MEGF11: variants seen among roughly 807,000 people sequenced by gnomAD.
MEGF11 encodes multiple epidermal growth factor-like domains protein 11.
In MEGF11, 126 loss-of-function variants were observed where a neutral mutation model predicts 146.6. The observed-to-expected ratio is 0.86, with a 90% CI of 0.74 to 1.00. The LOEUF is 1.00. MEGF11 is among the 50% of genes least tolerant of loss of function. The probability of loss-of-function intolerance (pLI) is 0.00; values close to 1 mark genes in which losing one functional copy is unlikely to be tolerated. For synonymous variants in MEGF11, 532 were observed against 583.4 expected (o/e 0.91, Z 1.27); for missense variants, 1,509 against 1,521.2 (o/e 0.99, Z 0.13).
At chr15:66,091,696 T>C (rs1050833898) in intron 5 of MEGF11, among the ~76,000 whole-genome samples, 1 of 152,196 alleles carries the variant, frequency 6.6e-6, no homozygotes, top group Admixed American at 6.5e-5. Flanking sequence ...ACTCAGTGCA[T>C]AGTAAAATTC....
intron 1 of MEGF11, among the ~76,000 whole-genome samples, chr15:66,138,013 T>G (rs1421664980): frequency 2.0e-5 from 3 of 152,158 alleles, no homozygotes; most frequent in African/African-American, 7.2e-5. Flanking sequence ...GAGCTATGAT[T>G]GTGCCACTGG....
intron 15 of MEGF11, 190 bp downstream of exon 15, chr15:65,922,148 G>C (rs748078317): frequency 1.6e-6 from 1 of 629,970 alleles, no homozygotes; most frequent in Admixed American, 3.3e-5. Context: ...CTGTGAGGCT[G>C]TTAACTGTGT....
intron 4 of MEGF11, among the ~76,000 whole-genome samples, chr15:66,112,650 G>A (rs745324666): frequency 6.7e-6 from 1 of 148,912 alleles, no homozygotes; most frequent in African/African-American, 2.5e-5. Flanking sequence ...GAAGCAAAGA[G>A]TATAAAACAA....
intron 4 of MEGF11, among the ~76,000 whole-genome samples, chr15:66,113,812 C>T (rs1370678412): frequency 3.3e-5 from 5 of 151,712 alleles, no homozygotes; most frequent in Admixed American, 6.6e-5. Context: ...ACCCGGGAGG[C>T]GGAGCTTGCA....
intron 24 of MEGF11, among the ~76,000 whole-genome samples, chr15:65,903,172 A>G (rs1274503455): frequency 6.6e-6 from 1 of 152,160 alleles, no homozygotes; most frequent in Non-Finnish European, 1.5e-5. Context: ...CTAACTACCT[A>G]AGAGCCCAAG....
chr15:66,034,808 C>A (rs1211095324), intron 5 of MEGF11, among the ~76,000 whole-genome samples: 1 of 146,238 alleles, frequency 6.8e-6, no homozygotes, highest in Non-Finnish European at 1.5e-5. Context: ...AGTGTTCTGC[C>A]CTCATGATGA....
intron 5 of MEGF11, among the ~76,000 whole-genome samples, chr15:66,046,144 T>C (rs2084195039): frequency 6.6e-6 from 1 of 152,180 alleles, no homozygotes; most frequent in Non-Finnish European, 1.5e-5. Flanking sequence ...CTGTGGCAAC[T>C]GAGGCTCAGA....
chr15:66,226,837 A>ATCCTCTAGCG (rs1374383909), intron 1 of MEGF11, among the ~76,000 whole-genome samples: 1 of 152,036 alleles, frequency 6.6e-6, no homozygotes, highest in East Asian at 1.9e-4. Context: ...GTTCACACAC[A>ATCCTCTAGCG]TCCTCTAGCG....
At chr15:66,243,189 G>A (rs534594279) in intron 1 of MEGF11, among the ~76,000 whole-genome samples, 3 of 152,312 alleles carry the variant, frequency 2.0e-5, no homozygotes, top group South Asian at 4.1e-4. Context: ...CTGAGAGGCC[G>A]GAGAAGCTGA....
intron 23 of MEGF11, among the ~76,000 whole-genome samples, chr15:65,907,915 G>A (rs570007591): frequency 1.4e-4 from 22 of 152,378 alleles, no homozygotes; most frequent in African/African-American, 5.3e-4. Context: ...AGCGCATGGC[G>A]CTCTGGCTAC....
intron 10 of MEGF11, among the ~76,000 whole-genome samples, chr15:65,939,824 C>A (rs2079921667): frequency 6.6e-6 from 1 of 152,144 alleles, no homozygotes; most frequent in African/African-American, 2.4e-5. Context: ...CTCCCACTTC[C>A]AGGGCAAGTT....
intron 16 of MEGF11, among the ~76,000 whole-genome samples, chr15:65,917,360 G>A (rs1390364402): frequency 1.3e-5 from 2 of 152,154 alleles, no homozygotes; most frequent in Non-Finnish European, 2.9e-5. Context: ...GTGAGCTCCT[G>A]ATGATGGAGC....
At chr15:66,024,088 G>A (rs572523313) in intron 5 of MEGF11, among the ~76,000 whole-genome samples, 1 of 152,356 alleles carries the variant, frequency 6.6e-6, no homozygotes, top group African/African-American at 2.4e-5. Flanking sequence ...GGGCTGGTTC[G>A]TTCCTGGGGA....
intron 1 of MEGF11, among the ~76,000 whole-genome samples, chr15:66,156,463 T>C (rs565418366): frequency 6.6e-6 from 1 of 152,172 alleles, no homozygotes; most frequent in Non-Finnish European, 1.5e-5. Flanking sequence ...ACCTTGCACG[T>C]CCCAGGCCTG....
chr15:66,042,365 C>T (rs1567214852), intron 5 of MEGF11, among the ~76,000 whole-genome samples: 1 of 152,132 alleles, frequency 6.6e-6, no homozygotes, highest in South Asian at 2.1e-4. Context: ...CCACTTCGGC[C>T]TCCCAAAGTG....
At chr15:66,178,576 T>A (rs887214101) in intron 1 of MEGF11, among the ~76,000 whole-genome samples, 1 of 152,174 alleles carries the variant, frequency 6.6e-6, no homozygotes, top group Non-Finnish European at 1.5e-5. Flanking sequence ...GGAGAGCAAA[T>A]CCAGGACCTA....
chr15:65,970,414 C>T (rs1218670308), intron 8 of MEGF11, 139 bp downstream of exon 8: 1 of 950,654 alleles, frequency 1.1e-6, no homozygotes, highest in East Asian at 2.8e-5. Flanking sequence ...GCCAACCCTC[C>T]CTGGCAGGAG....
chr15:65,945,460 G>T (rs1331979789), intron 10 of MEGF11, among the ~76,000 whole-genome samples: 1 of 152,178 alleles, frequency 6.6e-6, no homozygotes, highest in Admixed American at 6.5e-5. Flanking sequence ...GCACCCTGGG[G>T]AGCAGTGAGG....
intron 4 of MEGF11, among the ~76,000 whole-genome samples, chr15:66,103,816 A>G (rs1339778959): frequency 6.6e-6 from 1 of 152,208 alleles, no homozygotes; most frequent in Admixed American, 6.5e-5. Context: ...GCTGCAACCC[A>G]TGGTCCTTAA....
Sources: allele counts gnomAD v4.1 joint callset (sites outside exome capture counted in the v4.1 genomes callset), GRCh38; gene constraint gnomAD v4.1.1; transcripts MANE v1.5; gene names NCBI Gene and HGNC (gene_info 2026-07-23, HGNC 2026-07-21).